Variants in ADGRB3 observed in about 807,000 individuals in gnomAD.
The protein encoded by ADGRB3 is adhesion G protein-coupled receptor B3.
In ADGRB3, 37 loss-of-function variants were observed where a neutral mutation model predicts 193.4. The observed-to-expected ratio is 0.19, with a 90% CI of 0.15 to 0.25. The LOEUF (loss-of-function observed/expected upper bound fraction) is 0.25. Ranked by LOEUF, ADGRB3 falls within the 10% of genes least tolerant of loss-of-function variation. ADGRB3 has a pLI of 1.00. For synonymous variants in ADGRB3, 690 were observed against 644.2 expected (o/e 1.07, Z -1.08); for missense variants, 1,637 against 1,852.9 (o/e 0.88, Z 2.14).
chr6:69,048,910 TG>T (rs1771314096), intron 14 of ADGRB3, among the ~76,000 whole-genome samples: 3 of 152,254 alleles, frequency 2.0e-5, no homozygotes, highest in South Asian at 4.1e-4. Flanking sequence ...TTAAAATTAA[TG>T]GCTCCTTTCA....
chr6:69,330,608 G>GAA (rs374715480), intron 23 of ADGRB3, 36 bp downstream of exon 23: 486 of 1,189,296 alleles, frequency 4.1e-4, no homozygotes, highest in African/African-American at 1.0e-3. Flanking sequence ...GTTTTCTTAG[G>GAA]AAAAAAAAAA....
At chr6:69,135,992 A>G (rs1774138744) in intron 17 of ADGRB3, among the ~76,000 whole-genome samples, 1 of 152,096 alleles carries the variant, frequency 6.6e-6, no homozygotes, top group Non-Finnish European at 1.5e-5. Context: ...AGAAAATCTC[A>G]GGAACCAAAA....
chr6:68,988,695 C>T (rs993012663), intron 10 of ADGRB3, among the ~76,000 whole-genome samples: 2 of 152,082 alleles, frequency 1.3e-5, no homozygotes, highest in Admixed American at 1.3e-4. Flanking sequence ...TAAGCCTTGG[C>T]TGCTGGAAGC....
Position 69,010,847 on chromosome 6 carries a change from CTT to C in ADGRB3, c.1930-3187_1930-3186del, listed in dbSNP as rs74389681. 3.0e-3 allele frequency among the ~76,000 whole-genome samples: 455 copies of C among 151,394 alleles called. 1 individual carries two copies. The highest frequency in any genetic ancestry group is 6.9e-3 in the Middle Eastern group (2 of 290). On this transcript the variant is annotated intron_variant, in intron 11 of 31. Coordinates refer to ENST00000370598, the MANE Select transcript of ADGRB3 (RefSeq NM_001704.3). ...CAAAAACTTACTGTAAGGTGTTGAC[CTT>C]TTTATTTTAGGGATTGACATAAGTG...
intron 11 of ADGRB3, among the ~76,000 whole-genome samples, chr6:69,009,866 T>C (rs1032226969): frequency 6.6e-6 from 1 of 152,128 alleles, no homozygotes; most frequent in African/African-American, 2.4e-5. Context: ...TCTACAACTC[T>C]ATTTCCATGG....
chr6:69,081,581 ATTTTTTGAAG>A (rs1458373469), intron 17 of ADGRB3, among the ~76,000 whole-genome samples: 1 of 151,934 alleles, frequency 6.6e-6, no homozygotes, highest in African/African-American at 2.4e-5. Flanking sequence ...ACTATACATT[ATTTTTTGAAG>A]TTTTTTCATA....
intron 17 of ADGRB3, among the ~76,000 whole-genome samples, chr6:69,089,664 T>G (rs753946384): frequency 6.6e-6 from 1 of 152,222 alleles, no homozygotes. Context: ...TAATTTATCT[T>G]TGTAGGATGT....
intron 3 of ADGRB3, among the ~76,000 whole-genome samples, chr6:68,724,113 C>A (rs1185335499): frequency 2.0e-5 from 3 of 150,970 alleles, no homozygotes; most frequent in Non-Finnish European, 4.4e-5. Context: ...AAAAAAACAA[C>A]CTCAGTGGAA....
At chr6:68,905,353 C>A (rs1206004600) in intron 3 of ADGRB3, among the ~76,000 whole-genome samples, 1 of 152,120 alleles carries the variant, frequency 6.6e-6, no homozygotes, top group Non-Finnish European at 1.5e-5. Flanking sequence ...TCCTTCCGAG[C>A]CTCTGGTGTG....
At chr6:69,266,987 G>T (rs1353883118) in intron 20 of ADGRB3, among the ~76,000 whole-genome samples, 3 of 152,012 alleles carry the variant, frequency 2.0e-5, no homozygotes, top group Non-Finnish European at 4.4e-5. Flanking sequence ...TTTGTATAAG[G>T]TCGTGATGCC....
intron 3 of ADGRB3, among the ~76,000 whole-genome samples, chr6:68,902,106 G>T (rs1351486237): frequency 6.6e-6 from 1 of 151,982 alleles, no homozygotes; most frequent in African/African-American, 2.4e-5. Flanking sequence ...TCATCTTGGT[G>T]TATAGAATGC....
chr6:69,212,760 T>C (rs1435593578), intron 17 of ADGRB3, among the ~76,000 whole-genome samples: 1 of 152,186 alleles, frequency 6.6e-6, no homozygotes, highest in Non-Finnish European at 1.5e-5. Context: ...TGGGTAGTGT[T>C]TGATTAAGGG....
intron 10 of ADGRB3, among the ~76,000 whole-genome samples, chr6:68,990,935 A>C (rs1383706450): frequency 6.6e-6 from 1 of 152,138 alleles, no homozygotes; most frequent in East Asian, 1.9e-4. Flanking sequence ...ACTGAATTTC[A>C]TGACTTTTTT....
chr6:68,766,791 A>T (rs947564110), intron 3 of ADGRB3, among the ~76,000 whole-genome samples: 1 of 152,000 alleles, frequency 6.6e-6, no homozygotes, highest in African/African-American at 2.4e-5. Flanking sequence ...TCATCTTTAT[A>T]AAAAAGTTGC....
chr6:69,369,093 G>A (rs894300439), intron 29 of ADGRB3, among the ~76,000 whole-genome samples: 2 of 152,016 alleles, frequency 1.3e-5, no homozygotes, highest in South Asian at 4.1e-4. Context: ...TTTACATGTA[G>A]CATTTTTAAA....
At chr6:69,306,492 AC>A (rs1321405091) in intron 20 of ADGRB3, among the ~76,000 whole-genome samples, 2 of 151,534 alleles carry the variant, frequency 1.3e-5, no homozygotes, top group African/African-American at 4.9e-5. Flanking sequence ...AGAGAAATAA[AC>A]TGGAAATAGA....
At chr6:68,856,810 G>C (rs1235312264) in intron 3 of ADGRB3, among the ~76,000 whole-genome samples, 4 of 152,202 alleles carry the variant, frequency 2.6e-5, no homozygotes, top group African/African-American at 7.2e-5. Context: ...TGTCTCCAGG[G>C]CATGTCAGAG....
chr6:68,947,246 G>T (rs1173775312), intron 6 of ADGRB3, among the ~76,000 whole-genome samples: 2 of 152,024 alleles, frequency 1.3e-5, no homozygotes, highest in East Asian at 1.9e-4. Context: ...GTGTGTATGT[G>T]TGTGTTCAGT....
intron 20 of ADGRB3, among the ~76,000 whole-genome samples, chr6:69,265,757 T>G (rs1166737860): frequency 1.3e-5 from 2 of 152,030 alleles, no homozygotes; most frequent in Non-Finnish European, 2.9e-5. Context: ...CCCCAAATGC[T>G]GTCTCTACAT....
Sources: allele counts gnomAD v4.1 joint callset (sites outside exome capture counted in the v4.1 genomes callset), GRCh38; gene constraint gnomAD v4.1.1; transcripts MANE v1.5; gene names NCBI Gene and HGNC (gene_info 2026-07-23, HGNC 2026-07-21).